RANBP2: variants seen among roughly 807,000 people sequenced by gnomAD.
RANBP2 encodes the protein E3 SUMO-protein ligase RanBP2.
A neutral mutation model predicts 303.6 loss-of-function variants in RANBP2; 57 were observed. The ratio of observed to expected loss-of-function variants is 0.19; its 90% CI spans 0.15 to 0.23. The LOEUF is 0.23. Among genes scored for constraint, RANBP2 ranks in the 10% least tolerant of loss-of-function variants. The pLI is 1.00. For missense variants in RANBP2, 3,138 were observed against 3,780.8 expected, an observed-to-expected ratio of 0.83 and a Z score of 4.46; for synonymous variants, 1,167 against 1,301.5, an observed-to-expected ratio of 0.90 and a Z score of 2.23.
chr2:108,959,842 A>G, the RANBP2 span, among the ~76,000 whole-genome samples: 1 of 152,318 alleles, frequency 6.6e-6, no homozygotes, highest in Non-Finnish European at 1.5e-5. Context: ...AAGAAACTCA[A>G]GCCTTCTCTA....
At chr2:109,730,892 G>A in the RANBP2 span, among the ~76,000 whole-genome samples, 6 of 147,206 alleles carry the variant, frequency 4.1e-5, no homozygotes, top group Admixed American at 3.5e-4. Context: ...AGGTTCAAGC[G>A]ATTCTCCTGC....
the RANBP2 span, among the ~76,000 whole-genome samples, chr2:109,612,695 G>A: frequency 4.6e-5 from 7 of 152,110 alleles, no homozygotes; most frequent in Admixed American, 2.6e-4. Flanking sequence ...TTCCTCACCA[G>A]GACCCCTCAA....
At chr2:109,109,483 G>T in the RANBP2 span, among the ~76,000 whole-genome samples, 4 of 152,160 alleles carry the variant, frequency 2.6e-5, no homozygotes. Context: ...GTAAGTATAG[G>T]CAAGTGATTA....
rs1265664961 is a variant in RANBP2 at position 108,753,420 on chromosome 2, G to T, written c.1918-6G>T. On this transcript the variant is annotated splice_region_variant and splice_polypyrimidine_tract_variant and intron_variant, in intron 13 of 28. Coordinates refer to ENST00000283195, the MANE Select transcript of RANBP2 (RefSeq NM_006267.5). ...AATTTGACTAAAAACTATTCTGTGT[G>T]TTTAGGCATCAGAAATTGTTGAATA... The T allele has an allele frequency of 8.1e-6, 13 of 1,611,642 alleles. No homozygotes were observed. The highest frequency in any genetic ancestry group is 1.3e-5 in the African/African-American group (1 of 74,928).
At chr2:109,049,217 G>T in the RANBP2 span, among the ~76,000 whole-genome samples, 4 of 152,166 alleles carry the variant, frequency 2.6e-5, no homozygotes, top group Non-Finnish European at 5.9e-5. Flanking sequence ...TTCATCCTCC[G>T]CTGGGTCCTG....
chr2:109,401,012 G>A, the RANBP2 span, among the ~76,000 whole-genome samples: 8 of 152,364 alleles, frequency 5.3e-5, no homozygotes, highest in African/African-American at 1.9e-4. Context: ...TGGTGACCCA[G>A]TGGCGGACCA....
the RANBP2 span, among the ~76,000 whole-genome samples, chr2:109,566,825 A>AAGTT: frequency 2.6e-5 from 4 of 152,198 alleles, no homozygotes; most frequent in Admixed American, 1.3e-4. Context: ...GGTCTGTCTG[A>AAGTT]AGTTGAGGAT....
At chr2:109,463,378 C>T in the RANBP2 span, among the ~76,000 whole-genome samples, 2 of 152,254 alleles carry the variant, frequency 1.3e-5, no homozygotes, top group African/African-American at 2.4e-5. Context: ...GCCCTGCCCC[C>T]CTTGCTCTGG....
the RANBP2 span, among the ~76,000 whole-genome samples, chr2:109,548,196 G>A: frequency 1.3e-5 from 2 of 152,114 alleles, no homozygotes; most frequent in African/African-American, 4.8e-5. Context: ...AAAAAACTAG[G>A]GTCTTAAGCC....
chr2:108,953,034 G>A, the RANBP2 span, among the ~76,000 whole-genome samples: 3 of 152,122 alleles, frequency 2.0e-5, no homozygotes, highest in African/African-American at 7.2e-5. Flanking sequence ...ACATATTTAT[G>A]TGGTACATGA....
At chr2:108,989,311 G>A in the RANBP2 span, 40,132 of 152,496 alleles carry the variant, frequency 0.26, 7,162 homozygotes, top group East Asian at 0.84. Context: ...AGGCTGGAGC[G>A]GGCACGTTCA....
At chr2:109,476,232 C>G in the RANBP2 span, among the ~76,000 whole-genome samples, 7 of 152,214 alleles carry the variant, frequency 4.6e-5, no homozygotes, top group Non-Finnish European at 7.4e-5. Flanking sequence ...ACCAGGCCTG[C>G]TAGCACCCAC....
the RANBP2 span, among the ~76,000 whole-genome samples, chr2:109,102,202 G>C: frequency 6.6e-6 from 1 of 151,880 alleles, no homozygotes; most frequent in Non-Finnish European, 1.5e-5. Flanking sequence ...CTGGGTTCAC[G>C]CCATTCTCCT....
chr2:109,506,688 G>T, the RANBP2 span, among the ~76,000 whole-genome samples: 1 of 152,246 alleles, frequency 6.6e-6, no homozygotes, highest in Non-Finnish European at 1.5e-5. Context: ...ATTCCAAGAA[G>T]TTCTGTTGTT....
chr2:109,633,506 C>T, the RANBP2 span, among the ~76,000 whole-genome samples: 2 of 152,052 alleles, frequency 1.3e-5, no homozygotes, highest in Admixed American at 6.6e-5. Context: ...GATGCTGAGG[C>T]GCCCAGGGAA....
the RANBP2 span, among the ~76,000 whole-genome samples, chr2:109,277,530 C>G: frequency 6.6e-6 from 1 of 152,196 alleles, no homozygotes; most frequent in African/African-American, 2.4e-5. Context: ...TACCAAGTGA[C>G]AGGCGCTGGT....
At chr2:109,109,695 T>C in the RANBP2 span, among the ~76,000 whole-genome samples, 2 of 152,230 alleles carry the variant, frequency 1.3e-5, no homozygotes, top group Non-Finnish European at 2.9e-5. Flanking sequence ...TTCATAAATG[T>C]GGATGCAAAT....
chr2:108,780,274 C>A (rs1400269675), intron 25 of RANBP2, among the ~76,000 whole-genome samples: 1 of 148,784 alleles, frequency 6.7e-6, no homozygotes, highest in African/African-American at 2.5e-5. Context: ...CTCATTGCAA[C>A]CTCCGCCTCC....
At chr2:108,911,168 C>G in the RANBP2 span, 1 of 1,484,888 alleles carries the variant, frequency 6.7e-7, no homozygotes, top group Non-Finnish European at 9.4e-7. Flanking sequence ...GGCCCTGCCC[C>G]TGGGATGCTT....
Sources: allele counts gnomAD v4.1 joint callset (sites outside exome capture counted in the v4.1 genomes callset), GRCh38; gene constraint gnomAD v4.1.1; transcripts MANE v1.5; gene names NCBI Gene and HGNC (gene_info 2026-07-23, HGNC 2026-07-21).